ERAP1: variants seen among roughly 807,000 people sequenced by gnomAD.
ERAP1 encodes the protein endoplasmic reticulum aminopeptidase 1.
ERAP1 carries 86 observed loss-of-function variants against 103.7 expected under a neutral mutation model. The ratio of observed to expected loss-of-function variants is 0.83; its 90% confidence interval spans 0.70 to 0.99. The LOEUF (loss-of-function observed/expected upper bound fraction) is 0.99, where lower values mean the gene tolerates loss of function less well. Among genes scored for constraint, ERAP1 ranks in the 50% least tolerant of loss-of-function variants. The pLI, the probability that ERAP1 is intolerant of heterozygous loss-of-function variation, is 0.00. For missense variants in ERAP1, 1,009 were observed against 1,128.4 expected, an observed-to-expected ratio of 0.89 and a Z score of 1.52; for synonymous variants, 398 against 402.4, an observed-to-expected ratio of 0.99 and a Z score of 0.13.
At chr5:96,808,876 C>G (rs763665785), upstream of ERAP1, among the ~76,000 whole-genome samples, 4 of 151,982 alleles carry the variant, frequency 2.6e-5, no homozygotes, top group Non-Finnish European at 2.9e-5. Flanking sequence ...TTGGATTTTG[C>G]GCAAGAAAGA....
chr5:96,929,659 A>G, the ERAP1 span, among the ~76,000 whole-genome samples: 3 of 152,008 alleles, frequency 2.0e-5, no homozygotes, highest in Admixed American at 6.6e-5. Flanking sequence ...CATGCTTGGC[A>G]TATGTTCTCA....
chr5:96,886,823 G>A, the ERAP1 span: 4 of 1,376,038 alleles, frequency 2.9e-6, no homozygotes, highest in Non-Finnish European at 2.9e-6. Flanking sequence ...ACGCAGTGCA[G>A]AAAAGTGTCC....
At chr5:96,917,576 CTG>C in the ERAP1 span, 8 of 1,613,616 alleles carry the variant, frequency 5.0e-6, no homozygotes, top group Non-Finnish European at 6.8e-6. Flanking sequence ...TCTTCCGACT[CTG>C]AGGACTTGGC....
At chr5:96,807,672 GC>G (rs1778795462) in intron 1 of ERAP1, among the ~76,000 whole-genome samples, 187 bp downstream of exon 1, 1 of 148,942 alleles carries the variant, frequency 6.7e-6, no homozygotes, top group South Asian at 2.1e-4. Flanking sequence ...CCTGTCTCGC[GC>G]CCCGTCGCCT....
chr5:96,814,024 A>G, the ERAP1 span: 1 of 273,084 alleles, frequency 3.7e-6, no homozygotes, highest in Non-Finnish European at 7.3e-6. Flanking sequence ...TAATACGAAC[A>G]TATCAACTTA....
At chr5:96,864,923 A>C in the ERAP1 span, among the ~76,000 whole-genome samples, 1 of 152,188 alleles carries the variant, frequency 6.6e-6, no homozygotes, top group African/African-American at 2.4e-5. Context: ...TGGATACAGA[A>C]ATGCAAATAT....
chr5:96,836,064 C>G, the ERAP1 span, among the ~76,000 whole-genome samples: 25 of 151,964 alleles, frequency 1.6e-4, no homozygotes, highest in Non-Finnish European at 8.8e-5. Context: ...GATGAGAAAC[C>G]TGCATGAGTC....
At chr5:96,807,677 G>A (rs1778796299) in intron 1 of ERAP1, among the ~76,000 whole-genome samples, 183 bp downstream of exon 1, 1 of 148,704 alleles carries the variant, frequency 6.7e-6, no homozygotes. Flanking sequence ...CTCGCGCCCC[G>A]TCGCCTTCCT....
At chr5:96,895,302 T>G in the ERAP1 span, 1 of 1,612,852 alleles carries the variant, frequency 6.2e-7, no homozygotes, top group African/African-American at 1.3e-5. Flanking sequence ...TTAAGGAGGG[T>G]TTTGCAAAAT....
the ERAP1 span, among the ~76,000 whole-genome samples, chr5:96,932,333 T>C: frequency 6.6e-6 from 1 of 152,256 alleles, no homozygotes. Flanking sequence ...TAATGTATTG[T>C]TGCTTATTTC....
At chr5:96,823,439 C>A in the ERAP1 span, among the ~76,000 whole-genome samples, 1 of 152,250 alleles carries the variant, frequency 6.6e-6, no homozygotes. Context: ...TGCATAGATA[C>A]TACAGTAGCC....
At chr5:96,890,473 G>A in the ERAP1 span, among the ~76,000 whole-genome samples, 1 of 152,180 alleles carries the variant, frequency 6.6e-6, no homozygotes, top group Non-Finnish European at 1.5e-5. Flanking sequence ...GCCATTGACA[G>A]GTACTGGTCC....
At chr5:96,856,349 A>AATAT in the ERAP1 span, among the ~76,000 whole-genome samples, 100 of 8,528 alleles carry the variant, frequency 0.012, 4 homozygotes, top group East Asian at 0.029. Flanking sequence ...AAAAAAAAAA[A>AATAT]ATATATATAT....
chr5:96,850,780 A>G, the ERAP1 span, among the ~76,000 whole-genome samples: 1 of 152,228 alleles, frequency 6.6e-6, no homozygotes, highest in African/African-American at 2.4e-5. Flanking sequence ...AACTTTTAAA[A>G]AAAGATTTGC....
chr5:96,768,354 G>T lies in ERAP1; in HGVS notation c.2819-5126C>A, dbSNP rs189073556. The T allele has an allele frequency of 3.8e-3, 1,707 of 446,680 alleles. 9 individuals carry two copies. Among genetic ancestry groups the T allele is most frequent in the Middle Eastern group, 0.01 (31 of 2,996 alleles). 27.7% of individuals were successfully genotyped at this position (446,680 alleles called of 1,614,324 possible). A position where few individuals can be genotyped will look rare whatever the true frequency, so the allele number is the denominator to read the frequency against. ...CAACCTCTACCTCCCAAAGTACTGG[G>T]ATTACAGGCTTGAGCCACTGCGCCT... On this transcript the variant is annotated intron_variant, in intron 19 of 19. Transcript: ENST00000296754.
chr5:96,763,974 A>AT (rs1768912640), intron 19 of ERAP1, among the ~76,000 whole-genome samples: 1 of 151,950 alleles, frequency 6.6e-6, no homozygotes, highest in Non-Finnish European at 1.5e-5. Context: ...AAAAAAAAAA[A>AT]GCCTGCTTAG....
chr5:96,874,527 C>T, the ERAP1 span, among the ~76,000 whole-genome samples: 2 of 152,206 alleles, frequency 1.3e-5, no homozygotes, highest in African/African-American at 4.8e-5. Flanking sequence ...TCTTCTTTGT[C>T]GTCTTTGTCC....
the ERAP1 span, chr5:96,912,739 T>C: frequency 6.2e-7 from 1 of 1,601,622 alleles, no homozygotes. Flanking sequence ...TGTCAAGTGC[T>C]GAACAAAACA....
the ERAP1 span, among the ~76,000 whole-genome samples, chr5:96,884,838 C>T: frequency 2.6e-5 from 4 of 152,154 alleles, no homozygotes; most frequent in Non-Finnish European, 4.4e-5. Context: ...CTTTTGGACA[C>T]TTATTTGTCT....
Sources: gnomAD v4.1 joint callset for allele counts (sites outside exome capture counted in the v4.1 genomes callset) on GRCh38, gnomAD v4.1.1 for gene constraint, MANE v1.5 for transcripts, NCBI Gene and HGNC (gene_info 2026-07-23, HGNC 2026-07-21) for gene names.